The following ESR1 variants were observed in gnomAD, a reference collection of about 807,000 sequenced individuals.
The protein encoded by ESR1 is estrogen receptor.
ESR1 carries 12 observed loss-of-function variants against 52.7 expected under a neutral mutation model. The ratio of observed to expected loss-of-function variants is 0.23; its 90% CI spans 0.15 to 0.37. ESR1 has a LOEUF of 0.37. Among genes scored for constraint, ESR1 ranks in the 10% least tolerant of loss-of-function variants. The probability of loss-of-function intolerance (pLI) is 1.00; values close to 1 mark genes in which losing one functional copy is unlikely to be tolerated. For missense variants in ESR1, 584 were observed against 779.7 expected (o/e 0.75, Z 2.99); for synonymous variants, 305 against 316.8 (o/e 0.96, Z 0.39).
chr6:152,041,956 C>T (rs144060545), intron 5 of ESR1, among the ~76,000 whole-genome samples: 39 of 152,294 alleles, frequency 2.6e-4, no homozygotes, highest in East Asian at 7.7e-4. Context: ...TTGGAGTCAC[C>T]GCTTAGTTAA....
chr6:151,835,357 T>C (rs1783153441), intron 1 of ESR1, among the ~76,000 whole-genome samples: 2 of 152,124 alleles, frequency 1.3e-5, no homozygotes, highest in African/African-American at 4.8e-5. Context: ...GTGGCAGAGA[T>C]TCCACAAAGA....
At chr6:151,691,257 CT>C (rs1291830321) in intron 1 of ESR1, among the ~76,000 whole-genome samples, 1 of 152,174 alleles carries the variant, frequency 6.6e-6, no homozygotes, top group Non-Finnish European at 1.5e-5. Flanking sequence ...CTTTTGAGTC[CT>C]GGTGTCCCAT....
chr6:152,041,599 A>C (rs999723927), intron 5 of ESR1, among the ~76,000 whole-genome samples: 1 of 152,200 alleles, frequency 6.6e-6, no homozygotes, highest in African/African-American at 2.4e-5. Flanking sequence ...CTGGCACACA[A>C]GTGTCTCACC....
intron 3 of ESR1, among the ~76,000 whole-genome samples, chr6:151,889,472 AT>A (rs1794379995): frequency 1.3e-5 from 2 of 151,916 alleles, no homozygotes; most frequent in African/African-American, 4.8e-5. Flanking sequence ...TACTCTTATA[AT>A]TTTTTGCATT....
intron 5 of ESR1, among the ~76,000 whole-genome samples, chr6:152,020,512 G>A (rs897913160): frequency 6.6e-6 from 1 of 152,140 alleles, no homozygotes; most frequent in Non-Finnish European, 1.5e-5. Flanking sequence ...GCGCAGTGGT[G>A]TGATCTCGGC....
chr6:151,933,207 T>C (rs1213593052), intron 3 of ESR1, among the ~76,000 whole-genome samples: 1 of 150,376 alleles, frequency 6.6e-6, no homozygotes, highest in African/African-American at 2.4e-5. Context: ...TTTTATTCTC[T>C]TTGAAGCAAT....
intron 6 of ESR1, chr6:152,122,221 C>G (rs1362068438): frequency 1.3e-5 from 9 of 715,320 alleles, no homozygotes; most frequent in African/African-American, 1.1e-4. Flanking sequence ...AACCAGATTT[C>G]TTCCAAACCT....
intron 3 of ESR1, among the ~76,000 whole-genome samples, chr6:151,905,823 A>G (rs1240890946): frequency 6.6e-6 from 1 of 152,214 alleles, no homozygotes; most frequent in Non-Finnish European, 1.5e-5. Flanking sequence ...CTATTTCAAC[A>G]TGTAAAAACC....
intron 6 of ESR1, among the ~76,000 whole-genome samples, chr6:152,116,745 T>C (rs1037390787): frequency 6.6e-6 from 1 of 151,398 alleles, no homozygotes; most frequent in African/African-American, 2.4e-5. Flanking sequence ...ATTATTTATA[T>C]CTATTTTATT....
chr6:151,818,339 A>G (rs898988623), intron 1 of ESR1, among the ~76,000 whole-genome samples: 2 of 152,180 alleles, frequency 1.3e-5, no homozygotes, highest in East Asian at 1.9e-4. Context: ...CTACTTGACT[A>G]ACAGGTTTTG....
intron 4 of ESR1, among the ~76,000 whole-genome samples, chr6:151,988,162 C>T (rs1056025632): frequency 3.9e-5 from 6 of 152,052 alleles, no homozygotes; most frequent in Non-Finnish European, 8.8e-5. Flanking sequence ...CATTGCAATA[C>T]ATAAGGAAGT....
chr6:151,724,290 G>A (rs1007342507), intron 2 of ESR1, among the ~76,000 whole-genome samples: 4 of 152,104 alleles, frequency 2.6e-5, no homozygotes, highest in Non-Finnish European at 5.9e-5. Context: ...TGAAAACAGA[G>A]AAATGAAGTG....
chr6:151,768,087 A>G (rs558261908), intron 2 of ESR1, among the ~76,000 whole-genome samples: 1 of 152,362 alleles, frequency 6.6e-6, no homozygotes, highest in South Asian at 2.1e-4. Context: ...GAGGGAAAAC[A>G]GGACCAGAAA....
rs568828850 is a variant in ESR1 at position 151,899,471 on chromosome 6, G to A, written c.760+18700G>A. 1.2e-4 allele frequency among the ~76,000 whole-genome samples: 17 copies of A among 143,398 alleles called. 1 individual carries two copies. In the South Asian group the frequency reaches 1.6e-3, roughly 13 times the overall value. 94.1% of individuals were successfully genotyped at this position (143,398 alleles called of 152,430 possible). ...TCCCGGACTGGGCAGCTGGCCAGGC[G>A]GGGGGCTGACCCCCCCACCTCCCTC... is the stretch of plus-strand genomic sequence containing the variant. On this transcript the variant is annotated intron_variant, in intron 3 of 7. Transcript: ENST00000206249.
chr6:151,871,541 T>G (rs909835206), intron 2 of ESR1, among the ~76,000 whole-genome samples: 1 of 152,126 alleles, frequency 6.6e-6, no homozygotes, highest in Non-Finnish European at 1.5e-5. Flanking sequence ...GTAGCTGGGA[T>G]TACAGGTGCC....
chr6:151,911,878 C>T (rs922752516), intron 3 of ESR1, among the ~76,000 whole-genome samples: 2 of 152,200 alleles, frequency 1.3e-5, no homozygotes, highest in African/African-American at 2.4e-5. Flanking sequence ...TTGTTATCCT[C>T]GAGCTCTGCA....
At chr6:151,946,243 T>C (rs1191303586) in intron 4 of ESR1, among the ~76,000 whole-genome samples, 1 of 152,236 alleles carries the variant, frequency 6.6e-6, no homozygotes, top group African/African-American at 2.4e-5. Context: ...AGTTTTATTT[T>C]CCTGTAAACA....
At chr6:151,843,172 T>C (rs978808472) in intron 2 of ESR1, among the ~76,000 whole-genome samples, 2 of 152,236 alleles carry the variant, frequency 1.3e-5, no homozygotes, top group African/African-American at 4.8e-5. Context: ...TATATGCTGT[T>C]AATTGTCCAT....
At chr6:152,075,659 T>C (rs1398371663) in intron 6 of ESR1, among the ~76,000 whole-genome samples, 1 of 152,244 alleles carries the variant, frequency 6.6e-6, no homozygotes, top group Non-Finnish European at 1.5e-5. Flanking sequence ...TGAAGGTTTC[T>C]GGCTCATGTG....
Sources: allele counts gnomAD v4.1 joint callset (sites outside exome capture counted in the v4.1 genomes callset), GRCh38; gene constraint gnomAD v4.1.1; transcripts MANE v1.5; gene names NCBI Gene and HGNC (gene_info 2026-07-23, HGNC 2026-07-21).